The following CADM2 variants were observed in gnomAD, a reference collection of about 807,000 sequenced individuals.
CADM2 encodes immunoglobulin superfamily member 4D.
In CADM2, 12 loss-of-function variants were observed where a neutral mutation model predicts 49.8. The observed-to-expected ratio is 0.24, with a 90% CI of 0.15 to 0.39. CADM2 has a LOEUF of 0.39. Ranked by LOEUF, CADM2 falls within the 10% of genes least tolerant of loss-of-function variation. The pLI, the probability that CADM2 is intolerant of heterozygous loss-of-function variation, is 1.00. For missense variants in CADM2, 378 were observed against 492.3 expected (o/e 0.77, Z 2.20); for synonymous variants, 214 against 175.4 (o/e 1.22, Z -1.74).
intron 7 of CADM2, among the ~76,000 whole-genome samples, chr3:85,957,190 T>A (rs555164773): frequency 6.6e-6 from 1 of 151,792 alleles, no homozygotes; most frequent in Non-Finnish European, 1.5e-5. Flanking sequence ...AATTGGTAAA[T>A]TCAAATAGCA....
In CADM2 at chr3:85,566,094, G is replaced by A. The variant is rs146116186; in HGVS notation, c.62-160428G>A. On this transcript the variant is annotated intron_variant, in intron 1 of 9. Coordinates refer to ENST00000383699, the MANE Select transcript of CADM2 (RefSeq NM_001167675.2). The stretch of plus-strand genomic sequence containing the variant: ...ATACATTGTTTTAAAACTTTGTTTT[G>A]TTAACTGATCCAAATACTGCTAATA... Among the ~76,000 whole-genome samples the A allele has an allele frequency of 2.1e-3, 322 of 152,120 alleles. 2 individuals carry two copies. Among genetic ancestry groups the A allele is most frequent in the African/African-American group, 7.5e-3 (313 of 41,504 alleles).
chr3:85,060,817 A>C (rs986997299), intron 1 of CADM2, among the ~76,000 whole-genome samples: 4 of 152,146 alleles, frequency 2.6e-5, no homozygotes, highest in Non-Finnish European at 5.9e-5. Flanking sequence ...AAAATCAATG[A>C]TCAAACTTAG....
At chr3:85,450,851 T>C (rs957619152) in intron 1 of CADM2, among the ~76,000 whole-genome samples, 2 of 152,064 alleles carry the variant, frequency 1.3e-5, no homozygotes, top group Non-Finnish European at 2.9e-5. Context: ...GACTATGAAC[T>C]TCAAATTTAA....
At chr3:85,936,319 G>T (rs938065740) in intron 7 of CADM2, among the ~76,000 whole-genome samples, 25 of 151,472 alleles carry the variant, frequency 1.7e-4, no homozygotes, top group African/African-American at 4.6e-4. Flanking sequence ...ACAAGTAATG[G>T]GTCACAAACT....
chr3:85,405,412 C>G (rs1454892362), intron 1 of CADM2, among the ~76,000 whole-genome samples: 2 of 152,052 alleles, frequency 1.3e-5, no homozygotes, highest in African/African-American at 4.8e-5. Flanking sequence ...AGATTGAGAG[C>G]CAGAGATTGG....
intron 1 of CADM2, among the ~76,000 whole-genome samples, chr3:85,358,076 G>T (rs1161345930): frequency 6.6e-6 from 1 of 152,056 alleles, no homozygotes; most frequent in Non-Finnish European, 1.5e-5. Flanking sequence ...ATTTTGGCAG[G>T]AATATTCTTT....
chr3:85,586,344 C>T (rs1018703241), intron 1 of CADM2, among the ~76,000 whole-genome samples: 2 of 151,840 alleles, frequency 1.3e-5, no homozygotes, highest in African/African-American at 4.8e-5. Flanking sequence ...CTCCTTAAAA[C>T]AAAACAAAAA....
At chr3:85,250,663 G>A (rs1241570954) in intron 1 of CADM2, among the ~76,000 whole-genome samples, 2 of 151,482 alleles carry the variant, frequency 1.3e-5, no homozygotes, top group South Asian at 2.1e-4. Flanking sequence ...CATATCTTTG[G>A]TATCTAAATG....
chr3:85,963,870 A>T (rs2108621903), intron 8 of CADM2, among the ~76,000 whole-genome samples: 1 of 151,976 alleles, frequency 6.6e-6, no homozygotes. Flanking sequence ...ATTCATCAAA[A>T]GCATCCCATA....
At chr3:85,708,713 GC>G (rs2067023422) in intron 1 of CADM2, among the ~76,000 whole-genome samples, 1 of 151,964 alleles carries the variant, frequency 6.6e-6, no homozygotes, top group African/African-American at 2.4e-5. Context: ...TCCAGTTTTG[GC>G]TTTTATTTAA....
intron 1 of CADM2, among the ~76,000 whole-genome samples, chr3:85,493,431 G>C (rs1239591067): frequency 8.7e-6 from 1 of 114,616 alleles, no homozygotes; most frequent in Non-Finnish European, 2.1e-5. Flanking sequence ...TAAATTTTAT[G>C]TTTTTCATCT....
intron 3 of CADM2, among the ~76,000 whole-genome samples, chr3:85,837,910 C>T (rs2108254056): frequency 6.6e-6 from 1 of 151,740 alleles, no homozygotes; most frequent in South Asian, 2.1e-4. Context: ...ACTAATTATC[C>T]ATTCAGTAGC....
At chr3:85,168,986 T>A (rs1314009820) in intron 1 of CADM2, among the ~76,000 whole-genome samples, 2 of 152,112 alleles carry the variant, frequency 1.3e-5, no homozygotes, top group African/African-American at 4.8e-5. Context: ...GGAGTTTCAC[T>A]CTTGTTGCCC....
intron 2 of CADM2, among the ~76,000 whole-genome samples, chr3:85,779,175 C>T (rs758170334): frequency 2.6e-5 from 4 of 151,474 alleles, no homozygotes; most frequent in Non-Finnish European, 4.4e-5. Context: ...CAAAGGAGAA[C>T]TTGCATTCTC....
At chr3:85,385,694 C>CG (rs1271232501) in intron 1 of CADM2, 1 of 150,054 alleles carries the variant, frequency 6.7e-6, no homozygotes, top group Non-Finnish European at 1.5e-5. Context: ...TTTTTTCAAC[C>CG]GAAAATACCC....
intron 5 of CADM2, among the ~76,000 whole-genome samples, chr3:85,908,592 T>G (rs1717127252): frequency 6.6e-6 from 1 of 152,106 alleles, no homozygotes; most frequent in South Asian, 2.1e-4. Flanking sequence ...ATATGCAAAG[T>G]AAGCACAATA....
intron 8 of CADM2, among the ~76,000 whole-genome samples, chr3:86,021,346 C>T (rs1238929169): frequency 6.6e-6 from 1 of 152,114 alleles, no homozygotes; most frequent in East Asian, 1.9e-4. Flanking sequence ...CTTTCAAACC[C>T]TTTAATGCCA....
At chr3:85,278,895 G>A (rs550559399) in intron 1 of CADM2, among the ~76,000 whole-genome samples, 46 of 151,292 alleles carry the variant, frequency 3.0e-4, no homozygotes, top group Non-Finnish European at 6.1e-4. Context: ...TTCTAGTTAT[G>A]GAGTATCACA....
At chr3:85,482,840 CAG>C (rs2039268532) in intron 1 of CADM2, among the ~76,000 whole-genome samples, 1 of 151,350 alleles carries the variant, frequency 6.6e-6, no homozygotes, top group South Asian at 2.1e-4. Flanking sequence ...GATATTTAAA[CAG>C]TAAATTTTAT....
Sources: allele counts gnomAD v4.1 joint callset (sites outside exome capture counted in the v4.1 genomes callset), GRCh38; gene constraint gnomAD v4.1.1; transcripts MANE v1.5; gene names NCBI Gene and HGNC (gene_info 2026-07-23, HGNC 2026-07-21).